The following SMYD3 variants were observed in gnomAD, a reference collection of about 807,000 sequenced individuals.
SMYD3 encodes SET and MYND domain containing 3, also known as histone-lysine N-methyltransferase SMYD3.
A neutral mutation model predicts 57.7 loss-of-function variants in SMYD3; 36 were observed. The observed-to-expected ratio is 0.62, with a 90% confidence interval of 0.48 to 0.82. SMYD3 has a LOEUF of 0.82. Ranked by LOEUF, SMYD3 falls within the 40% of genes least tolerant of loss-of-function variation. The probability of loss-of-function intolerance (pLI) is 0.00; values close to 1 mark genes in which losing one functional copy is unlikely to be tolerated. For synonymous variants in SMYD3, 211 were observed against 195.0 expected (o/e 1.08, Z -0.68); for missense variants, 515 against 538.8 (o/e 0.96, Z 0.44).
intron 2 of SMYD3, among the ~76,000 whole-genome samples, chr1:246,345,255 T>C (rs1221695422): frequency 6.6e-6 from 1 of 152,202 alleles, no homozygotes; most frequent in African/African-American, 2.4e-5. Context: ...GAAGAATTGT[T>C]TTTACTTTTA....
intron 5 of SMYD3, among the ~76,000 whole-genome samples, chr1:246,135,767 C>T (rs191032136): frequency 6.6e-6 from 1 of 152,118 alleles, no homozygotes; most frequent in Non-Finnish European, 1.5e-5. Context: ...ACCAAAATGA[C>T]ATTTTAAATA....
At position 245,905,331 on chromosome 1, in the gene SMYD3, C is replaced by T. The variant is rs148830794; in HGVS notation, c.813+10199G>A. The stretch of plus-strand genomic sequence containing the variant: ...GTCTTAGCATTTCTGGGCCTGCCTT[C>T]GGCCGGAGGGCAGTCCTCTCCCCTG... On this transcript the variant is annotated intron_variant, in intron 8 of 11. Transcript: ENST00000490107. 9.2e-4 allele frequency among the ~76,000 whole-genome samples: 140 copies of T among 152,232 alleles called. No homozygotes were observed. The East Asian group carries it at 0.023, about 25-fold the overall frequency.
intron 5 of SMYD3, among the ~76,000 whole-genome samples, chr1:246,008,504 G>C (rs1056553826): frequency 6.6e-6 from 1 of 152,182 alleles, no homozygotes; most frequent in Admixed American, 6.5e-5. Flanking sequence ...CTTAGAAGTC[G>C]GCTGGGATCC....
At chr1:246,194,914 G>A (rs576764698) in intron 5 of SMYD3, among the ~76,000 whole-genome samples, 100 of 152,148 alleles carry the variant, frequency 6.6e-4, no homozygotes, top group African/African-American at 2.0e-3. Context: ...AGATTAATTC[G>A]CTCACACTAA....
intron 10 of SMYD3, among the ~76,000 whole-genome samples, chr1:245,856,527 T>G (rs2148471051): frequency 6.6e-6 from 1 of 152,316 alleles, no homozygotes; most frequent in African/African-American, 2.4e-5. Flanking sequence ...GTGGAGGACT[T>G]GGCCTCACTT....
chr1:246,102,644 A>G (rs1231619101), intron 5 of SMYD3, among the ~76,000 whole-genome samples: 1 of 151,920 alleles, frequency 6.6e-6, no homozygotes, highest in African/African-American at 2.4e-5. Flanking sequence ...ATGGTGGCTC[A>G]CACCTGTAAT....
At chr1:246,049,343 C>CTGGA (rs2060024063) in intron 5 of SMYD3, among the ~76,000 whole-genome samples, 3 of 152,138 alleles carry the variant, frequency 2.0e-5, no homozygotes, top group African/African-American at 7.2e-5. Context: ...GTCGCCCAGG[C>CTGGA]TGGAGTGCAG....
intron 5 of SMYD3, among the ~76,000 whole-genome samples, chr1:245,996,033 A>G (rs1358433300): frequency 6.6e-6 from 1 of 152,222 alleles, no homozygotes; most frequent in Non-Finnish European, 1.5e-5. Flanking sequence ...ACTGAGTTTT[A>G]TACCCATTAT....
chr1:245,805,520 G>A (rs897619862), intron 10 of SMYD3, among the ~76,000 whole-genome samples: 1 of 152,174 alleles, frequency 6.6e-6, no homozygotes, highest in Non-Finnish European at 1.5e-5. Flanking sequence ...ACAGCCATCT[G>A]TTCATTTGTG....
At chr1:246,134,552 T>C (rs760638492) in intron 5 of SMYD3, among the ~76,000 whole-genome samples, 2 of 152,088 alleles carry the variant, frequency 1.3e-5, no homozygotes, top group Non-Finnish European at 2.9e-5. Context: ...ATTGAAATAA[T>C]ATGCAAATTT....
Position 246,249,527 on chromosome 1 carries a change from T to G in SMYD3, c.531+77674A>C, listed in dbSNP as rs201677829. 2.1e-3 allele frequency among the ~76,000 whole-genome samples: 291 copies of G among 136,648 alleles called. 1 individual carries two copies. The highest frequency in any genetic ancestry group is 7.0e-3 in the African/African-American group (277 of 39,310). 89.6% of individuals were successfully genotyped at this position (136,648 alleles called of 152,430 possible). On this transcript the variant is annotated intron_variant, in intron 5 of 11. Transcript: ENST00000490107. ...TATGGATCCTAGTTTTTTGTTTTTT[T>G]TGTATTTTTTTTTGTAATTTCCTAA...
intron 7 of SMYD3, among the ~76,000 whole-genome samples, chr1:245,922,760 G>C (rs2056068739): frequency 6.6e-6 from 1 of 152,104 alleles, no homozygotes; most frequent in Non-Finnish European, 1.5e-5. Flanking sequence ...TGAGAATGAA[G>C]CTTTATTACT....
chr1:246,216,890 C>A (rs182173987), intron 5 of SMYD3, among the ~76,000 whole-genome samples: 46 of 152,192 alleles, frequency 3.0e-4, no homozygotes, highest in Admixed American at 2.7e-3. Context: ...GCACAAAGCA[C>A]TGGAGGCTGT....
intron 1 of SMYD3, among the ~76,000 whole-genome samples, chr1:246,394,945 T>C (rs1436279419): frequency 6.6e-6 from 1 of 151,624 alleles, no homozygotes; most frequent in Non-Finnish European, 1.5e-5. Context: ...TAGCTACACT[T>C]TATTATATGA....
chr1:246,311,008 A>G (rs1304634399), intron 5 of SMYD3, among the ~76,000 whole-genome samples: 4 of 152,240 alleles, frequency 2.6e-5, no homozygotes, highest in South Asian at 2.1e-4. Context: ...CTAATACTGA[A>G]GACTGTTAGT....
At chr1:246,222,087 G>A (rs2063264444) in intron 5 of SMYD3, among the ~76,000 whole-genome samples, 1 of 152,158 alleles carries the variant, frequency 6.6e-6, no homozygotes, top group Admixed American at 6.5e-5. Context: ...TTGGAAGGGT[G>A]TAAAACTCAT....
chr1:246,459,699 A>G (rs1314882180), intron 1 of SMYD3, among the ~76,000 whole-genome samples: 1 of 152,206 alleles, frequency 6.6e-6, no homozygotes, highest in Non-Finnish European at 1.5e-5. Context: ...GTGAGAACAG[A>G]CTAATACAGG....
chr1:245,939,581 C>T (rs1213714850), intron 5 of SMYD3, among the ~76,000 whole-genome samples: 2 of 152,076 alleles, frequency 1.3e-5, no homozygotes, highest in Non-Finnish European at 2.9e-5. Context: ...GAGCCAAGAT[C>T]GCACCACTCC....
At chr1:246,234,008 A>G (rs1374008516) in intron 5 of SMYD3, among the ~76,000 whole-genome samples, 10 of 141,414 alleles carry the variant, frequency 7.1e-5, no homozygotes, top group African/African-American at 2.6e-4. Context: ...CATATACCAC[A>G]CAGAGGAGAA....
Sources: allele counts gnomAD v4.1 joint callset (sites outside exome capture counted in the v4.1 genomes callset), GRCh38; gene constraint gnomAD v4.1.1; transcripts MANE v1.5; gene names NCBI Gene and HGNC (gene_info 2026-07-23, HGNC 2026-07-21).